The following GLI3 variants were observed in gnomAD, a reference collection of about 807,000 sequenced individuals.
The protein encoded by GLI3 is transcription activator GLI3.
A neutral mutation model predicts 100.8 loss-of-function variants in GLI3; 20 were observed. That is an observed-to-expected ratio of 0.20 (90% CI 0.14 to 0.29). The LOEUF is 0.29. Among genes scored for constraint, GLI3 ranks in the 10% least tolerant of loss-of-function variants. The pLI is 1.00. For missense variants in GLI3, 2,040 were observed against 2,128.5 expected, an observed-to-expected ratio of 0.96 and a Z score of 0.82; for synonymous variants, 938 against 860.5, an observed-to-expected ratio of 1.09 and a Z score of -1.58.
chr7:42,006,853 A>C (rs1399387144), intron 10 of GLI3, among the ~76,000 whole-genome samples: 2 of 152,304 alleles, frequency 1.3e-5, no homozygotes, highest in East Asian at 1.9e-4. Flanking sequence ...AGACCAGTTC[A>C]TTTCTATTTG....
intron 4 of GLI3, among the ~76,000 whole-genome samples, chr7:42,064,615 G>A (rs1167262214): frequency 6.6e-6 from 1 of 152,148 alleles, no homozygotes; most frequent in Non-Finnish European, 1.5e-5. Flanking sequence ...CATATTATTG[G>A]GTGGGGAAGG....
chr7:42,140,306 T>C (rs897987444), intron 3 of GLI3, among the ~76,000 whole-genome samples: 1 of 152,202 alleles, frequency 6.6e-6, no homozygotes, highest in Non-Finnish European at 1.5e-5. Context: ...TTCAACACTG[T>C]TTAGCACTTA....
intron 4 of GLI3, among the ~76,000 whole-genome samples, chr7:42,071,929 T>A (rs752687830): frequency 3.3e-5 from 5 of 152,040 alleles, no homozygotes; most frequent in Non-Finnish European, 5.9e-5. Context: ...TTAGGTGGAA[T>A]GATTCCAGAG....
chr7:42,180,379 G>A (rs374008944), intron 2 of GLI3, among the ~76,000 whole-genome samples: 32 of 152,324 alleles, frequency 2.1e-4, no homozygotes, highest in African/African-American at 6.7e-4. Flanking sequence ...TGAAAACAGC[G>A]AGCTCCAATG....
At chr7:41,996,106 A>C (rs1381512343) in intron 10 of GLI3, among the ~76,000 whole-genome samples, 2 of 152,216 alleles carry the variant, frequency 1.3e-5, no homozygotes, top group African/African-American at 4.8e-5. Context: ...CAGTGGATGG[A>C]GAGAAAACTG....
chr7:42,101,155 C>T (rs545772386), intron 3 of GLI3, among the ~76,000 whole-genome samples: 1 of 152,304 alleles, frequency 6.6e-6, no homozygotes, highest in East Asian at 1.9e-4. Flanking sequence ...AACCTAACAA[C>T]CCTCAGAAGA....
At chr7:42,242,343 T>G (rs1201364193), upstream of GLI3, among the ~76,000 whole-genome samples, 1 of 152,208 alleles carries the variant, frequency 6.6e-6, no homozygotes, top group African/African-American at 2.4e-5. Flanking sequence ...TTTACATAAC[T>G]TGCCTCACTC....
chr7:42,115,551 G>T (rs1462947867), intron 3 of GLI3, among the ~76,000 whole-genome samples: 1 of 152,228 alleles, frequency 6.6e-6, no homozygotes, highest in East Asian at 1.9e-4. Context: ...TTCAGGTGAC[G>T]TGGATGTTAC....
intron 2 of GLI3, among the ~76,000 whole-genome samples, chr7:42,182,753 T>C (rs1787642396): frequency 7.0e-6 from 1 of 142,256 alleles, no homozygotes; most frequent in Non-Finnish European, 1.5e-5. Context: ...CACAGAGGAA[T>C]TTTTTTGGCA....
At chr7:41,970,690 A>T (rs1477113941) in intron 13 of GLI3, among the ~76,000 whole-genome samples, 1 of 152,212 alleles carries the variant, frequency 6.6e-6, no homozygotes, top group Non-Finnish European at 1.5e-5. Context: ...TGAAGAGAAA[A>T]TGACAATTTT....
At chr7:42,098,025 A>G (rs1170221808) in intron 3 of GLI3, among the ~76,000 whole-genome samples, 1 of 152,200 alleles carries the variant, frequency 6.6e-6, no homozygotes, top group African/African-American at 2.4e-5. Flanking sequence ...AGAGAGGTTA[A>G]GCAATAAGCC....
chr7:42,175,263 C>T (rs1253054701), intron 2 of GLI3, among the ~76,000 whole-genome samples: 4 of 152,176 alleles, frequency 2.6e-5, no homozygotes, highest in South Asian at 2.1e-4. Flanking sequence ...TTCCATCCCT[C>T]GGTCCAGTTG....
chr7:42,261,554 G>T (rs900296872), intron 1 of GLI3, among the ~76,000 whole-genome samples: 1 of 152,082 alleles, frequency 6.6e-6, no homozygotes, highest in Non-Finnish European at 1.5e-5. Flanking sequence ...ACTTAGTTGG[G>T]GGAGTTACAC....
intron 1 of GLI3, among the ~76,000 whole-genome samples, chr7:42,251,170 G>A (rs938670584): frequency 4.6e-5 from 7 of 152,194 alleles, no homozygotes; most frequent in Non-Finnish European, 1.0e-4. Context: ...GAGGGCCTCT[G>A]GTCCAGCCGC....
intron 4 of GLI3, among the ~76,000 whole-genome samples, chr7:42,073,723 G>A (rs1035896568): frequency 6.6e-6 from 1 of 152,114 alleles, no homozygotes; most frequent in African/African-American, 2.4e-5. Context: ...TAGGAGACTC[G>A]TAATTTAGTT....
chr7:42,211,042 A>G (rs1164552866), intron 2 of GLI3, among the ~76,000 whole-genome samples: 2 of 152,256 alleles, frequency 1.3e-5, no homozygotes, highest in African/African-American at 4.8e-5. Context: ...ATTTATAAGT[A>G]TCTTTTATTT....
intron 2 of GLI3, among the ~76,000 whole-genome samples, chr7:42,192,152 G>A (rs897888904): frequency 5.3e-5 from 8 of 151,992 alleles, no homozygotes; most frequent in Admixed American, 2.0e-4. Context: ...AATTCCAATC[G>A]CAATCTATAG....
intron 3 of GLI3, among the ~76,000 whole-genome samples, chr7:42,123,772 T>C (rs1004827546): frequency 3.3e-5 from 5 of 152,206 alleles, no homozygotes; most frequent in Non-Finnish European, 5.9e-5. Context: ...TGTAAGTGCT[T>C]ACCAACTGGG....
rs113618775 is a variant in GLI3 at position 42,000,807 on chromosome 7, C to A, written c.1498-22059G>T. 2.8e-3 allele frequency among the ~76,000 whole-genome samples: 431 copies of A among 152,218 alleles called. 6 individuals carry two copies. Among genetic ancestry groups the A allele is most frequent in the African/African-American group, 9.1e-3 (376 of 41,516 alleles). On this transcript the variant is annotated intron_variant, in intron 10 of 14. Transcript: ENST00000395925. ...CAAATCAGATCAACTCATGGACCCA[C>A]ACATGTCCTGAGAGAAGAAAGTGGA...
Sources: allele counts gnomAD v4.1 joint callset (sites outside exome capture counted in the v4.1 genomes callset), GRCh38; gene constraint gnomAD v4.1.1; transcripts MANE v1.5; gene names NCBI Gene and HGNC (gene_info 2026-07-23, HGNC 2026-07-21).